MGMT: variants seen among roughly 807,000 people sequenced by gnomAD.
MGMT encodes methylated-DNA--protein-cysteine methyltransferase.
Under a neutral mutation model 15.9 loss-of-function variants are expected in MGMT, and 14 were observed. That is an observed-to-expected ratio of 0.88 (90% CI 0.58 to 1.37). MGMT has a LOEUF of 1.37. Ranked by LOEUF, MGMT falls within the 40% of genes most tolerant of loss-of-function variation. The probability of loss-of-function intolerance (pLI) is 0.00; values close to 1 mark genes in which losing one functional copy is unlikely to be tolerated. For synonymous variants in MGMT, 130 were observed against 118.2 expected (o/e 1.10, Z -0.65); for missense variants, 282 against 268.1 (o/e 1.05, Z -0.36).
At chr10:129,553,125 C>G (rs1398867276) in intron 2 of MGMT, among the ~76,000 whole-genome samples, 1 of 152,206 alleles carries the variant, frequency 6.6e-6, no homozygotes, top group African/African-American at 2.4e-5. Flanking sequence ...GTTCAGTAAG[C>G]AAATGCAAAT....
At chr10:129,605,237 T>G (rs1846874942) in intron 2 of MGMT, among the ~76,000 whole-genome samples, 1 of 152,256 alleles carries the variant, frequency 6.6e-6, no homozygotes, top group African/African-American at 2.4e-5. Context: ...TTATTTTATT[T>G]TAAATGCCAT....
chr10:129,618,635 A>G (rs144732808), intron 2 of MGMT, among the ~76,000 whole-genome samples: 2 of 152,112 alleles, frequency 1.3e-5, no homozygotes, highest in African/African-American at 4.8e-5. Flanking sequence ...GTATAGCTCC[A>G]TATTTGTTTT....
intron 2 of MGMT, chr10:129,537,193 T>A (rs1308298822): frequency 6.6e-6 from 1 of 152,070 alleles, no homozygotes; most frequent in Admixed American, 6.5e-5. Context: ...GTGTTTCTCT[T>A]AACTGGCTAA....
At chr10:129,507,289 G>A (rs1308407857) in intron 1 of MGMT, among the ~76,000 whole-genome samples, 1 of 152,228 alleles carries the variant, frequency 6.6e-6, no homozygotes, top group Non-Finnish European at 1.5e-5. Flanking sequence ...AGACGGATGT[G>A]AATCTCCCCT....
At chr10:129,577,555 A>C (rs990290372) in intron 2 of MGMT, among the ~76,000 whole-genome samples, 1 of 152,230 alleles carries the variant, frequency 6.6e-6, no homozygotes, top group Non-Finnish European at 1.5e-5. Context: ...TTAAAGACTT[A>C]AATGTTAGAC....
rs1161238510 is a variant in MGMT, at chr10:129,622,522, C to G, written c.126-85373C>G. 4.6e-5 allele frequency among the ~76,000 whole-genome samples: 7 copies of G among 152,228 alleles called. No individual in the cohort carries two copies. In the East Asian group the frequency reaches 1.3e-3, roughly 29 times the overall value. ...TCTTTCCTCTTTGAATTCAGTATGA[C>G]TTCACATAGGTGAGGTTAGCTTTTA... is the stretch of plus-strand genomic sequence containing the variant. On this transcript the variant is annotated intron_variant, in intron 2 of 4. Coordinates refer to ENST00000651593, the MANE Select transcript of MGMT (RefSeq NM_002412.5).
At chr10:129,651,601 C>T (rs1256339052) in intron 2 of MGMT, among the ~76,000 whole-genome samples, 5 of 152,178 alleles carry the variant, frequency 3.3e-5, no homozygotes, top group South Asian at 2.1e-4. Context: ...TGTGAAAACA[C>T]CAAGAGTTAC....
intron 2 of MGMT, among the ~76,000 whole-genome samples, chr10:129,626,866 A>C (rs531716186): frequency 6.6e-6 from 1 of 152,288 alleles, no homozygotes; most frequent in Admixed American, 6.5e-5. Context: ...CTGACTATGG[A>C]GCTGGTGTAA....
At chr10:129,715,989 G>A (rs1010854130) in intron 3 of MGMT, among the ~76,000 whole-genome samples, 2 of 152,106 alleles carry the variant, frequency 1.3e-5, no homozygotes, top group Admixed American at 6.5e-5. Flanking sequence ...GTACGCGGCG[G>A]TCAGTGTAGC....
intron 2 of MGMT, among the ~76,000 whole-genome samples, chr10:129,663,202 A>T (rs1042151047): frequency 6.6e-6 from 1 of 152,250 alleles, no homozygotes; most frequent in African/African-American, 2.4e-5. Flanking sequence ...TCACAGTGCA[A>T]TAAAACTATA....
intron 1 of MGMT, among the ~76,000 whole-genome samples, chr10:129,488,076 A>C (rs1273027286): frequency 6.6e-6 from 1 of 151,092 alleles, no homozygotes; most frequent in East Asian, 1.9e-4. Context: ...TGGGAAGCCA[A>C]GCTGTTTCTC....
chr10:129,524,098 A>G (rs1845843148), intron 1 of MGMT, among the ~76,000 whole-genome samples: 1 of 152,164 alleles, frequency 6.6e-6, no homozygotes, highest in Admixed American at 6.5e-5. Context: ...TGTCGTGAAG[A>G]CAGAGCAGCC....
At chr10:129,622,026 C>T (rs1847096228) in intron 2 of MGMT, among the ~76,000 whole-genome samples, 1 of 152,194 alleles carries the variant, frequency 6.6e-6, no homozygotes, top group Non-Finnish European at 1.5e-5. Context: ...GTTTGTTTTA[C>T]ATCTTTTGAT....
At chr10:129,620,308 C>T (rs907775415) in intron 2 of MGMT, among the ~76,000 whole-genome samples, 6 of 152,078 alleles carry the variant, frequency 3.9e-5, no homozygotes, top group South Asian at 2.1e-4. Context: ...GAGAATATAC[C>T]CTGCCATTGT....
intron 1 of MGMT, chr10:129,467,580 C>A: frequency 3.2e-6 from 1 of 310,802 alleles, no homozygotes; most frequent in Non-Finnish European, 4.7e-6. Flanking sequence ...AGGTGCCAGC[C>A]CCAGGCCCGG....
intron 2 of MGMT, among the ~76,000 whole-genome samples, chr10:129,651,880 A>G (rs906619522): frequency 1.3e-5 from 2 of 152,218 alleles, no homozygotes; most frequent in African/African-American, 4.8e-5. Context: ...ACTGATCCCA[A>G]ATTGAACTGA....
At position 129,566,680 on chromosome 10, in the gene MGMT, G is replaced by T. The variant is rs1231748609; in HGVS notation, c.125+30303G>T. ...TGTTGGTCGTTGGCTGGATCTCGTT[G>T]AAGGCCTGCGGAGATTCAGGTGCCA... On this transcript the variant is annotated intron_variant, in intron 2 of 4. Coordinates refer to ENST00000651593, the MANE Select transcript of MGMT (RefSeq NM_002412.5). The surrounding 1 kb of genome is among the most constrained non-coding windows in gnomAD (Gnocchi z 4.1). 6.6e-6 allele frequency among the ~76,000 whole-genome samples: 1 copy of T among 152,030 alleles called. No homozygotes were observed. Among genetic ancestry groups the T allele is most frequent in the Admixed American group, 6.6e-5 (1 of 15,256 alleles).
Position 129,475,763 on chromosome 10 carries a change from G to T in MGMT, c.-13+8467G>T, listed in dbSNP as rs1204463908. ...CACCAGGACACAGGAGGTTGCTGAG[G>T]AGGTTGCTTCCATGGTGCCACTTCT... On this transcript the variant is annotated intron_variant, in intron 1 of 4. Transcript: ENST00000651593. Among the ~76,000 whole-genome samples the T allele has an allele frequency of 2.6e-5, 4 of 151,122 alleles. No homozygotes were observed. In the East Asian group the frequency reaches 7.7e-4, roughly 29 times the overall value.
At chr10:129,470,051 A>G (rs1343678727) in intron 1 of MGMT, among the ~76,000 whole-genome samples, 1 of 152,206 alleles carries the variant, frequency 6.6e-6, no homozygotes, top group Non-Finnish European at 1.5e-5. Context: ...AGGATTTAAA[A>G]TCAGAGAAGA....
Sources: gnomAD v4.1 joint callset for allele counts (sites outside exome capture counted in the v4.1 genomes callset) on GRCh38, gnomAD v4.1.1 for gene constraint, Gnocchi (gnomAD v3.1) non-coding constraint, MANE v1.5 for transcripts, NCBI Gene and HGNC (gene_info 2026-07-23, HGNC 2026-07-21) for gene names.